Variants in HLCS observed in about 807,000 individuals in gnomAD.
HLCS encodes the protein biotin--protein ligase.
A neutral mutation model predicts 75.0 loss-of-function variants in HLCS; 53 were observed. The ratio of observed to expected loss-of-function variants is 0.71; its 90% CI spans 0.57 to 0.89. The LOEUF (loss-of-function observed/expected upper bound fraction) is 0.89. HLCS is among the 40% of genes least tolerant of loss of function. The pLI, the probability that HLCS is intolerant of heterozygous loss-of-function variation, is 0.00. For missense variants in HLCS, 966 were observed against 1,074.0 expected, an observed-to-expected ratio of 0.90 and a Z score of 1.41; for synonymous variants, 431 against 428.6, an observed-to-expected ratio of 1.01 and a Z score of -0.07.
At position 36,981,867 on chromosome 21, in the gene HLCS, CT is replaced by C. The variant is rs1183649900; in HGVS notation, c.-393+8290del. ...TAGGGGAATGGGGGAATTCTTTAATCTGTGGTGGGACACACATGATGTTAAT... is the reference window on the plus strand; with the variant it reads ...TAGGGGAATGGGGGAATTCTTTAATCGTGGTGGGACACACATGATGTTAAT... On this transcript the variant is annotated intron_variant, in intron 1 of 11. Coordinates refer to the HLCS transcript ENST00000336648. 1.6e-4 allele frequency among the ~76,000 whole-genome samples: 24 copies of C among 152,290 alleles called. 1 individual carries two copies. In the South Asian group the frequency reaches 4.8e-3, roughly 30 times the overall value.
chr21:36,821,788 T>C (rs1293110557), intron 6 of HLCS, among the ~76,000 whole-genome samples: 1 of 152,156 alleles, frequency 6.6e-6, no homozygotes, highest in African/African-American at 2.4e-5. Flanking sequence ...ATCCTGAAAC[T>C]GACAAGTTTG....
At chr21:36,956,990 T>C (rs1601874289) in intron 2 of HLCS, among the ~76,000 whole-genome samples, 2 of 151,038 alleles carry the variant, frequency 1.3e-5, no homozygotes, top group Admixed American at 1.3e-4. Flanking sequence ...GAGGTAGATG[T>C]TGCAGTGAGC....
chr21:36,751,333 A>G lies in HLCS; in HGVS notation c.*2913T>C, dbSNP rs2089357935. 6.5e-6 allele frequency: 1 copy of G among 152,698 alleles called. No homozygotes were observed. Among genetic ancestry groups the G allele is most frequent in the African/African-American group, 2.4e-5 (1 of 41,480 alleles). The allele number at this position is 152,698 out of a possible 1,614,324, so 9.5% of individuals were successfully genotyped here. A position where few individuals can be genotyped will look rare whatever the true frequency, so the allele number is the denominator to read the frequency against. On this transcript the variant is annotated 3_prime_UTR_variant, in exon 11 of 11. Transcript: ENST00000674895. ...TTTATTTCAAATATGCATAGTGATT[A>G]ACCAGGAATAAGGATTCTCCCATGT...
chr21:36,855,374 TAA>T (rs904147198), intron 6 of HLCS, among the ~76,000 whole-genome samples: 3 of 120,382 alleles, frequency 2.5e-5, no homozygotes, highest in Admixed American at 7.9e-5. Flanking sequence ...CTACTAAAAA[TAA>T]AAAAAAAAAA....
At chr21:36,984,691 A>C (rs943685719) in intron 1 of HLCS, among the ~76,000 whole-genome samples, 4 of 152,244 alleles carry the variant, frequency 2.6e-5, no homozygotes, top group African/African-American at 7.2e-5. Flanking sequence ...GAAATTACTT[A>C]ATGGGTACAA....
chr21:36,827,424 A>G (rs1456070586), intron 6 of HLCS, among the ~76,000 whole-genome samples: 1 of 151,852 alleles, frequency 6.6e-6, no homozygotes, highest in Non-Finnish European at 1.5e-5. Flanking sequence ...CAAAAAAAAA[A>G]TTAGCCAGGC....
At chr21:36,873,819 T>C (rs1372035488) in intron 6 of HLCS, among the ~76,000 whole-genome samples, 1 of 152,200 alleles carries the variant, frequency 6.6e-6, no homozygotes, top group Non-Finnish European at 1.5e-5. Context: ...CAGGCTGGTC[T>C]CAAACTCCTA....
intron 6 of HLCS, among the ~76,000 whole-genome samples, chr21:36,782,920 A>T (rs2060577495): frequency 6.6e-6 from 1 of 151,688 alleles, no homozygotes; most frequent in Admixed American, 6.6e-5. Flanking sequence ...GGAGGCAGAG[A>T]CTGCCGAGAT....
At chr21:36,828,689 C>T (rs1326559336) in intron 6 of HLCS, among the ~76,000 whole-genome samples, 1 of 152,066 alleles carries the variant, frequency 6.6e-6, no homozygotes, top group Non-Finnish European at 1.5e-5. Flanking sequence ...AAATTGATCC[C>T]TAGCATAAAA....
At chr21:36,832,459 A>G (rs948510096) in intron 6 of HLCS, among the ~76,000 whole-genome samples, 1 of 152,214 alleles carries the variant, frequency 6.6e-6, no homozygotes, top group African/African-American at 2.4e-5. Flanking sequence ...ATGAAACAGT[A>G]AAGTACAAGA....
At chr21:36,860,890 G>C (rs1348517044) in intron 6 of HLCS, among the ~76,000 whole-genome samples, 1 of 152,206 alleles carries the variant, frequency 6.6e-6, no homozygotes, top group Non-Finnish European at 1.5e-5. Context: ...TTGCTACTTA[G>C]AAATTATCAC....
rs1293255257 is a variant in HLCS, at chr21:36,780,616, A to C, written c.1893-13331T>G. ...TATAGGCATTTAGGTAGTTCCTAAAAGGACAGTATAATGAACACTCTTATT... is the reference window on the plus strand; with the variant it reads ...TATAGGCATTTAGGTAGTTCCTAAACGGACAGTATAATGAACACTCTTATT... On this transcript the variant is annotated intron_variant, in intron 6 of 10. Coordinates refer to ENST00000674895, the MANE Select transcript of HLCS (RefSeq NM_001352514.2). Among the ~76,000 whole-genome samples the C allele has an allele frequency of 1.3e-5, 2 of 152,174 alleles. 1 individual carries two copies. The highest frequency in any genetic ancestry group is 4.8e-5 in the African/African-American group (2 of 41,430).
At chr21:36,788,613 G>A (rs1190040146) in intron 6 of HLCS, among the ~76,000 whole-genome samples, 1 of 152,222 alleles carries the variant, frequency 6.6e-6, no homozygotes, top group Non-Finnish European at 1.5e-5. Flanking sequence ...TAATGAGTGT[G>A]GGAGGAGGAG....
chr21:36,955,227 T>C (rs971828926), intron 2 of HLCS, among the ~76,000 whole-genome samples: 9 of 152,184 alleles, frequency 5.9e-5, no homozygotes, highest in African/African-American at 2.2e-4. Flanking sequence ...GTGATACTGA[T>C]GATCCTGACC....
chr21:36,905,035 G>C (rs1433316503), intron 5 of HLCS, among the ~76,000 whole-genome samples: 1 of 152,176 alleles, frequency 6.6e-6, no homozygotes, highest in African/African-American at 2.4e-5. Flanking sequence ...GGATGTCTCT[G>C]ACCCACAGCC....
At chr21:36,796,618 T>G (rs2061033025) in intron 6 of HLCS, among the ~76,000 whole-genome samples, 1 of 152,208 alleles carries the variant, frequency 6.6e-6, no homozygotes, top group African/African-American at 2.4e-5. Flanking sequence ...ATGCACCATC[T>G]GAGCCTTCCA....
chr21:36,868,237 G>GAGAA (rs1265409526), intron 6 of HLCS, among the ~76,000 whole-genome samples: 24 of 125,660 alleles, frequency 1.9e-4, no homozygotes, highest in Middle Eastern at 7.6e-3. Flanking sequence ...GAAAGAGAAA[G>GAGAA]AGAAAGAAAG....
At chr21:36,947,037 G>C (rs921837379) in intron 2 of HLCS, among the ~76,000 whole-genome samples, 2 of 152,196 alleles carry the variant, frequency 1.3e-5, no homozygotes. Flanking sequence ...GAAACGAACA[G>C]GGCAACCTCC....
intron 2 of HLCS, chr21:36,944,249 G>C (rs868077252): frequency 5.4e-4 from 82 of 152,204 alleles, no homozygotes; most frequent in African/African-American, 2.0e-3. Context: ...AAAACATTAT[G>C]TTGAGTGGAG....
Sources: gnomAD v4.1 joint callset for allele counts (sites outside exome capture counted in the v4.1 genomes callset) on GRCh38, gnomAD v4.1.1 for gene constraint, MANE v1.5 for transcripts, NCBI Gene and HGNC (gene_info 2026-07-23, HGNC 2026-07-21) for gene names.